The following ANK3 variants were observed in gnomAD, a reference collection of about 807,000 sequenced individuals.
The protein encoded by ANK3 is ankyrin-3.
Under a neutral mutation model 370.9 loss-of-function variants are expected in ANK3, and 57 were observed. The ratio of observed to expected loss-of-function variants is 0.15; its 90% CI spans 0.12 to 0.19. ANK3 has a LOEUF of 0.19. ANK3 is among the 10% of genes least tolerant of loss of function. The pLI is 1.00. For missense variants in ANK3, 4,439 were observed against 5,302.1 expected (o/e 0.84, Z 5.06); for synonymous variants, 1,929 against 1,946.3 (o/e 0.99, Z 0.23).
At chr10:60,099,290 G>A (rs114910954) in intron 28 of ANK3, among the ~76,000 whole-genome samples, 160 of 152,240 alleles carry the variant, frequency 1.1e-3, no homozygotes, top group African/African-American at 3.6e-3. Flanking sequence ...TCATTTCTCC[G>A]TTCATGCAAC....
chr10:60,504,964 G>A (rs1019852784), intron 2 of ANK3, among the ~76,000 whole-genome samples: 134 of 152,112 alleles, frequency 8.8e-4, no homozygotes, highest in Non-Finnish European at 1.6e-3. Context: ...CATATGAAGG[G>A]ATCATTATAA....
At chr10:60,626,570 A>G (rs1369483487) in intron 1 of ANK3, among the ~76,000 whole-genome samples, 4 of 152,212 alleles carry the variant, frequency 2.6e-5, no homozygotes, top group Non-Finnish European at 5.9e-5. Context: ...CCATCCAAGA[A>G]GACCTTGGAA....
chr10:60,352,226 C>T (rs1331708676), intron 1 of ANK3, among the ~76,000 whole-genome samples: 1 of 152,116 alleles, frequency 6.6e-6, no homozygotes, highest in Admixed American at 6.6e-5. Flanking sequence ...GCCCAGGAGG[C>T]GGAGGGGTGC....
intron 1 of ANK3, among the ~76,000 whole-genome samples, chr10:60,336,825 GA>G (rs1181498685): frequency 1.4e-4 from 21 of 152,254 alleles, no homozygotes; most frequent in Admixed American, 1.2e-3. Flanking sequence ...TATTCAGTAA[GA>G]AAAGTACCCA....
intron 2 of ANK3, among the ~76,000 whole-genome samples, chr10:60,413,161 A>G (rs953834387): frequency 6.6e-6 from 1 of 152,374 alleles, no homozygotes; most frequent in Admixed American, 6.5e-5. Flanking sequence ...CTTCTTCCTC[A>G]GTAAAGTTTT....
At chr10:60,061,994 G>A (rs2080591875) in intron 40 of ANK3, 1 of 152,142 alleles carries the variant, frequency 6.6e-6, no homozygotes, top group African/African-American at 2.4e-5. Flanking sequence ...GGCTGGGTGG[G>A]GTGGCTCATG....
intron 1 of ANK3, among the ~76,000 whole-genome samples, chr10:60,683,521 T>C (rs1044522908): frequency 4.6e-5 from 7 of 152,238 alleles, no homozygotes; most frequent in Admixed American, 3.9e-4. Context: ...TGATTATGAA[T>C]TTCACTTTGA....
At chr10:60,727,636 T>C (rs2079960294) in intron 1 of ANK3, among the ~76,000 whole-genome samples, 1 of 152,186 alleles carries the variant, frequency 6.6e-6, no homozygotes, top group Non-Finnish European at 1.5e-5. Context: ...CTATTATGCT[T>C]AACTTGACAT....
At chr10:60,616,757 T>C (rs1460068530) in intron 1 of ANK3, among the ~76,000 whole-genome samples, 1 of 152,126 alleles carries the variant, frequency 6.6e-6, no homozygotes, top group Non-Finnish European at 1.5e-5. Flanking sequence ...CACTTGCGTA[T>C]CATGTGCCCA....
intron 35 of ANK3, among the ~76,000 whole-genome samples, chr10:60,081,229 C>A (rs2085145313): frequency 6.6e-6 from 1 of 152,138 alleles, no homozygotes; most frequent in South Asian, 2.1e-4. Context: ...GGATTACAGG[C>A]ATGCAGCACC....
At chr10:60,429,568 G>T (rs1474215951) in intron 2 of ANK3, among the ~76,000 whole-genome samples, 1 of 152,206 alleles carries the variant, frequency 6.6e-6, no homozygotes, top group African/African-American at 2.4e-5. Context: ...GGGTGAATGT[G>T]TTGACAGAAT....
intron 16 of ANK3, among the ~76,000 whole-genome samples, chr10:60,189,231 GC>G (rs1399969639): frequency 6.6e-6 from 1 of 152,186 alleles, no homozygotes; most frequent in Non-Finnish European, 1.5e-5. Context: ...GGCGGTGCAT[GC>G]CTGTAGTCTC....
At chr10:60,217,676 A>G (rs1248690454) in intron 8 of ANK3, among the ~76,000 whole-genome samples, 1 of 152,204 alleles carries the variant, frequency 6.6e-6, no homozygotes, top group Non-Finnish European at 1.5e-5. Context: ...ACTTCCAATC[A>G]TATGATCGAT....
chr10:60,347,767 C>G (rs981064921), intron 1 of ANK3, among the ~76,000 whole-genome samples: 1 of 152,132 alleles, frequency 6.6e-6, no homozygotes, highest in Non-Finnish European at 1.5e-5. Flanking sequence ...TGCTATGCAT[C>G]AGAATTTCTT....
At chr10:60,469,665 A>T (rs2065163891) in intron 2 of ANK3, among the ~76,000 whole-genome samples, 1 of 95,914 alleles carries the variant, frequency 1.0e-5, no homozygotes, top group Non-Finnish European at 2.1e-5. Flanking sequence ...GGTGGTATAT[A>T]TATATATATA....
intron 2 of ANK3, among the ~76,000 whole-genome samples, chr10:60,561,395 G>A (rs191020998): frequency 6.4e-4 from 97 of 152,252 alleles, no homozygotes; most frequent in Non-Finnish European, 1.1e-3. Flanking sequence ...GTTAAATGGA[G>A]GCTTGAGAGA....
chr10:60,326,773 G>C (rs1260785872), intron 1 of ANK3, among the ~76,000 whole-genome samples: 1 of 152,128 alleles, frequency 6.6e-6, no homozygotes, highest in Non-Finnish European at 1.5e-5. Context: ...TGTAATCCCA[G>C]CACTTCAGGA....
chr10:60,082,103 T>C (rs2132007085), intron 35 of ANK3, 47 bp downstream of exon 35: 1 of 1,500,704 alleles, frequency 6.7e-7, no homozygotes, highest in Non-Finnish European at 9.2e-7. Flanking sequence ...ACAGATTCAA[T>C]TTCTATTCTA....
chr10:60,177,531 C>T (rs1246903369), intron 18 of ANK3, among the ~76,000 whole-genome samples: 1 of 149,578 alleles, frequency 6.7e-6, no homozygotes, highest in Non-Finnish European at 1.5e-5. Flanking sequence ...AGGTCAGATC[C>T]TTAGTTTCCT....
Sources: gnomAD v4.1 joint callset for allele counts (sites outside exome capture counted in the v4.1 genomes callset) on GRCh38, gnomAD v4.1.1 for gene constraint, MANE v1.5 for transcripts, NCBI Gene and HGNC (gene_info 2026-07-23, HGNC 2026-07-21) for gene names.